The following TGIF1 variants were observed in gnomAD, a reference collection of about 807,000 sequenced individuals.
TGIF1 encodes the protein TGFB induced factor homeobox 1, also known as homeobox protein TGIF1.
Under a neutral mutation model 19.3 loss-of-function variants are expected in TGIF1, and 4 were observed. That is an observed-to-expected ratio of 0.21 (90% confidence interval 0.10 to 0.47). TGIF1 has a LOEUF of 0.47. Among genes scored for constraint, TGIF1 ranks in the 20% least tolerant of loss-of-function variants. The probability of loss-of-function intolerance (pLI) is 0.98; values close to 1 mark genes in which losing one functional copy is unlikely to be tolerated. For missense variants in TGIF1, 275 were observed against 341.4 expected (o/e 0.81, Z 1.53); for synonymous variants, 122 against 129.3 (o/e 0.94, Z 0.38).
At chr18:3,421,260 A>AAT (rs1179796961) in intron 2 of TGIF1, among the ~76,000 whole-genome samples, 3 of 148,178 alleles carry the variant, frequency 2.0e-5, no homozygotes, top group Non-Finnish European at 3.0e-5. Context: ...TAGTATATAA[A>AAT]ATATATATAT....
chr18:3,441,700 T>C (rs1035899337), intron 2 of TGIF1, among the ~76,000 whole-genome samples: 1 of 152,192 alleles, frequency 6.6e-6, no homozygotes, highest in African/African-American at 2.4e-5. Flanking sequence ...GTTAAGGGAG[T>C]GAAATGGAGA....
intron 1 of TGIF1, among the ~76,000 whole-genome samples, chr18:3,413,835 C>G (rs938765819): frequency 6.6e-6 from 1 of 151,926 alleles, no homozygotes; most frequent in Non-Finnish European, 1.5e-5. Flanking sequence ...CTATGGCTGC[C>G]GTAATAAAAA....
chr18:3,452,253 C>A lies in TGIF1; in HGVS notation c.16+1748C>A. 1.9e-6 allele frequency: 3 copies of A among 1,609,510 alleles called. 1 individual carries two copies. The South Asian group carries it at 3.3e-5, about 18-fold the overall frequency. On this transcript the variant is annotated intron_variant, in intron 1 of 2. Coordinates refer to ENST00000343820, the MANE Select transcript of TGIF1 (RefSeq NM_003244.4). ...TCCACCGGCGCGCTGCCCACAGCCG[C>A]GTGCCCTCTCCCCGGAGCTGGGGAC...
At chr18:3,452,179 C>T (rs2082975935) in intron 1 of TGIF1, 4 of 1,613,172 alleles carry the variant, frequency 2.5e-6, no homozygotes, top group East Asian at 4.5e-5. Flanking sequence ...CCGTGGTCCT[C>T]CCTGGCGACC....
intron 1 of TGIF1, chr18:3,455,771 T>C (rs1293344490): frequency 1.2e-5 from 2 of 160,334 alleles, no homozygotes; most frequent in Non-Finnish European, 2.8e-5. Flanking sequence ...CAGAAAATTT[T>C]AACATGTGTT....
intron 2 of TGIF1, among the ~76,000 whole-genome samples, chr18:3,441,927 C>CT (rs2082681353): frequency 2.0e-5 from 3 of 152,184 alleles, no homozygotes; most frequent in Admixed American, 2.0e-4. Flanking sequence ...CAGTGTTCCC[C>CT]TATACCAGCT....
intron 2 of TGIF1, among the ~76,000 whole-genome samples, chr18:3,427,956 G>GT (rs2082495211): frequency 6.6e-6 from 1 of 152,198 alleles, no homozygotes; most frequent in South Asian, 2.1e-4. Flanking sequence ...TATGGCTGCC[G>GT]TTCTCAAAAC....
At position 3,422,979 on chromosome 18, in the gene TGIF1, G is replaced by A. The variant is rs79967221; in HGVS notation, c.-45+4764G>A. Among the ~76,000 whole-genome samples the A allele has an allele frequency of 1.8e-3, 277 of 152,100 alleles. 1 individual carries two copies. The highest frequency in any genetic ancestry group is 5.9e-3 in the African/African-American group (245 of 41,506). ...GCTGGGATTGTAGGCGTGAGCCACC[G>A]CGCCCAGGCTTTTTTTGTCTTTTAT... is the stretch of plus-strand genomic sequence containing the variant. On this transcript the variant is annotated intron_variant, in intron 2 of 3. Coordinates refer to the TGIF1 transcript ENST00000401449.
upstream of TGIF1, chr18:3,447,513 T>C (rs893680224): frequency 1.1e-5 from 7 of 619,292 alleles, no homozygotes; most frequent in African/African-American, 1.3e-4. Flanking sequence ...TGAAGCCCAC[T>C]TTTTTGAGGC....
At chr18:3,415,501 GC>G in intron 1 of TGIF1, 1 of 465,180 alleles carries the variant, frequency 2.1e-6, no homozygotes, top group South Asian at 1.5e-5. Flanking sequence ...GTTCCTGGGT[GC>G]CCAGAAGACA....
At chr18:3,449,302 C>G, upstream of TGIF1, 6 of 754,340 alleles carry the variant, frequency 8.0e-6, no homozygotes, top group Non-Finnish European at 9.7e-6. Context: ...GGCGTGGTCA[C>G]CCCTTAGCTA....
rs1392958592 is a variant in TGIF1, at chr18:3,456,655, A to G, written c.243+75A>G. The G allele has an allele frequency of 2.2e-6, 3 of 1,341,626 alleles. No homozygotes were observed. Among genetic ancestry groups the G allele is most frequent in the East Asian group, 2.3e-5 (1 of 43,444 alleles). 83.1% of individuals were successfully genotyped at this position (1,341,626 alleles called of 1,614,324 possible). The stretch of plus-strand genomic sequence containing the variant: ...CATTTTATGGCATTCCTGTGTGTCA[A>G]GTCATTAAGCTCCTTGCCACTCAAA... On this transcript the variant is annotated intron_variant, in intron 2 of 2. Transcript: ENST00000343820. This position sits in a 1 kb window ranked among gnomAD's most constrained non-coding sequence, Gnocchi z 4.2.
chr18:3,452,125 C>T (rs569823526), intron 1 of TGIF1: 4 of 1,613,668 alleles, frequency 2.5e-6, no homozygotes, highest in South Asian at 2.2e-5. Flanking sequence ...TTTCTGGCGT[C>T]CCCCCGACTC....
intron 1 of TGIF1, among the ~76,000 whole-genome samples, chr18:3,414,179 G>A (rs1048319372): frequency 1.1e-4 from 16 of 152,082 alleles, no homozygotes; most frequent in Non-Finnish European, 2.9e-5. Flanking sequence ...TTACTGAACT[G>A]GTCATAATTA....
upstream of TGIF1, chr18:3,449,699 C>G (rs889117295): frequency 1.0e-6 from 1 of 985,468 alleles, no homozygotes; most frequent in Non-Finnish European, 1.2e-6. Context: ...TGCCCCGCCC[C>G]TTGAATCAGA....
chr18:3,421,371 C>A (rs1018834089), intron 2 of TGIF1, among the ~76,000 whole-genome samples: 3 of 146,440 alleles, frequency 2.0e-5, no homozygotes, highest in African/African-American at 7.6e-5. Flanking sequence ...TCTTACTATA[C>A]TATATATATA....
At chr18:3,431,205 G>A (rs1485908684) in intron 2 of TGIF1, among the ~76,000 whole-genome samples, 4 of 152,164 alleles carry the variant, frequency 2.6e-5, no homozygotes, top group East Asian at 1.9e-4. Flanking sequence ...CCAGCACTTC[G>A]GGAGGCCGAG....
upstream of TGIF1, among the ~76,000 whole-genome samples, chr18:3,445,752 A>AAAAAAAAG (rs1568041600): frequency 8.7e-6 from 1 of 115,002 alleles, no homozygotes; most frequent in African/African-American, 4.2e-5. Context: ...AAAAAAAAAA[A>AAAAAAAAG]AGAGAAGAAA....
chr18:3,448,717 CTTTTTTT>C (rs869086299), upstream of TGIF1: 107 of 255,846 alleles, frequency 4.2e-4, no homozygotes, highest in Middle Eastern at 2.0e-3. Context: ...GCGGGGGTGT[CTTTTTTT>C]TTTTTTTTTT....
Sources: gnomAD v4.1 joint callset for allele counts (sites outside exome capture counted in the v4.1 genomes callset) on GRCh38, gnomAD v4.1.1 for gene constraint, Gnocchi (gnomAD v3.1) non-coding constraint, MANE v1.5 for transcripts, NCBI Gene and HGNC (gene_info 2026-07-23, HGNC 2026-07-21) for gene names.